MDN1: variants seen among roughly 807,000 people sequenced by gnomAD.
MDN1 encodes midasin.
A neutral mutation model predicts 669.2 loss-of-function variants in MDN1; 266 were observed. That is an observed-to-expected ratio of 0.40 (90% CI 0.36 to 0.44). The LOEUF is 0.44. Ranked by LOEUF, MDN1 falls within the 20% of genes least tolerant of loss-of-function variation. The pLI is 1.00. For synonymous variants in MDN1, 2,385 were observed against 2,457.1 expected (o/e 0.97, Z 0.87); for missense variants, 5,940 against 6,754.0 (o/e 0.88, Z 4.22).
chr6:89,694,503 G>C (rs1390314979), intron 61 of MDN1, among the ~76,000 whole-genome samples: 1 of 152,080 alleles, frequency 6.6e-6, no homozygotes, highest in Non-Finnish European at 1.5e-5. Context: ...CCTGAACTTG[G>C]TTCAAAACTT....
At chr6:89,691,747 A>G (rs1337416260) in intron 63 of MDN1, among the ~76,000 whole-genome samples, 2 of 152,216 alleles carry the variant, frequency 1.3e-5, no homozygotes, top group African/African-American at 4.8e-5. Flanking sequence ...ATCAAATAGA[A>G]TAAACTTTAC....
chr6:89,737,008 T>G (rs1429343791), intron 33 of MDN1, among the ~76,000 whole-genome samples: 1 of 152,196 alleles, frequency 6.6e-6, no homozygotes, highest in Non-Finnish European at 1.5e-5. Flanking sequence ...TGGGGCCCTG[T>G]AAGCTGCACT....
chr6:89,688,083 C>T lies in MDN1; in HGVS notation c.11350G>A (p.Ala3784Thr). Reference protein sequence around the residue: ...LNGLEILLAKAQDWEENASRA... With the variant: ...LNGLEILLAKTQDWEENASRA... ...GAAGAGAGGTATTAGCTCACCTGTG[C>T]CTTTGCCAGAAGGATCTCTAAGCCA... Residue 3784 changes from alanine to threonine, a missense_variant, in exon 67 of 102, where the codon GCA (alanine) becomes ACA (threonine). Transcript: ENST00000369393. 1.2e-6 allele frequency: 2 copies of T among 1,613,272 alleles called. No homozygotes were observed. Among genetic ancestry groups the T allele is most frequent in the Non-Finnish European group, 8.5e-7 (1 of 1,179,210 alleles).
rs115080892 is a variant in MDN1 at position 89,658,874 on chromosome 6, A to C, written c.14757T>G (p.Gly4919=). The C allele has an allele frequency of 5.2e-4, 841 of 1,613,348 alleles. 2 individuals carry two copies. In the African/African-American group the frequency reaches 1.0e-2, roughly 19 times the overall value. The change falls in exon 89 of 102, where the codon GGT becomes GGG. Residue 4919 remains glycine, a synonymous_variant. Coordinates refer to ENST00000369393, the MANE Select transcript of MDN1 (RefSeq NM_014611.3). ...TCTCTCCTCTTTCCTCAGCTTCATG[A>C]CCTGCTTCTTCTGGTTTTTCTTTTA... ...LEIKEKPEEA[G]HEAEERGETE... is the part of the protein sequence containing the mutation.
At chr6:89,769,932 T>C (rs1817996308) in intron 15 of MDN1, among the ~76,000 whole-genome samples, 1 of 152,076 alleles carries the variant, frequency 6.6e-6, no homozygotes, top group Admixed American at 6.6e-5. Context: ...GACATATAGA[T>C]ACAGAATAGA....
At chr6:89,788,397 A>C (rs1819080454) in intron 7 of MDN1, among the ~76,000 whole-genome samples, 1 of 152,204 alleles carries the variant, frequency 6.6e-6, no homozygotes, top group Non-Finnish European at 1.5e-5. Context: ...CTAAACCTTA[A>C]AGAAGAATGA....
chr6:89,657,029 G>T (rs1354478584), intron 90 of MDN1, among the ~76,000 whole-genome samples: 1 of 152,208 alleles, frequency 6.6e-6, no homozygotes. Flanking sequence ...AGGGGCCTTT[G>T]TAAGGCTGCT....
Position 89,819,565 on chromosome 6 carries a change from A to C in MDN1, c.43T>G (p.Leu15Val), listed in dbSNP as rs1426110155. ...LLEVAAAPLR[L>V]IAAKNEKSRS... ...CTCTTCTCGTTCTTGGCTGCGATTAACCGCAGCGGCGCGGCTGCCACCTCC... is the reference window on the plus strand; with the variant it reads ...CTCTTCTCGTTCTTGGCTGCGATTACCCGCAGCGGCGCGGCTGCCACCTCC... Residue 15 changes from leucine (L) to valine (V), a missense_variant, in exon 1 of 102, where the codon TTA (leucine) becomes GTA (valine). By Grantham distance (32) the Leu-to-Val change is conservative. Coordinates refer to ENST00000369393, the MANE Select transcript of MDN1 (RefSeq NM_014611.3). 1.9e-6 allele frequency: 3 copies of C among 1,603,714 alleles called. No homozygotes were observed. The highest frequency in any genetic ancestry group is 1.7e-6 in the Non-Finnish European group (2 of 1,179,914).
chr6:89,781,027 T>C (rs1424944496), intron 10 of MDN1, among the ~76,000 whole-genome samples: 1 of 151,862 alleles, frequency 6.6e-6, no homozygotes, highest in Non-Finnish European at 1.5e-5. Flanking sequence ...ACAGAAGTCA[T>C]AGATAGCGAA....
chr6:89,703,989 G>A lies in MDN1; in HGVS notation c.8149-1928C>T, dbSNP rs573504999. Among the ~76,000 whole-genome samples, 27 of 148,308 alleles carry A rather than the reference G, an allele frequency of 1.8e-4. No homozygotes were observed. In the South Asian group the frequency reaches 5.7e-3, roughly 32 times the overall value. ...GATGGCACCACTGCACTCCAGTCTG[G>A]GCAACAAGAGAGAAACTCCGTCTCA... is the stretch of plus-strand genomic sequence containing the variant. On this transcript the variant is annotated intron_variant, in intron 53 of 101. Transcript: ENST00000369393.
At chr6:89,803,268 C>G (rs1438625240) in intron 2 of MDN1, 60 bp downstream of exon 2, 13 of 1,421,190 alleles carry the variant, frequency 9.1e-6, no homozygotes, top group Non-Finnish European at 1.3e-5. Flanking sequence ...CCTTACATCC[C>G]AGGAGACAGC....
chr6:89,720,388 A>T (rs901970666), intron 40 of MDN1, among the ~76,000 whole-genome samples: 3 of 151,056 alleles, frequency 2.0e-5, no homozygotes, highest in Non-Finnish European at 4.4e-5. Flanking sequence ...CGACAGAGCA[A>T]GACTCCATCT....
At chr6:89,781,095 T>C (rs1818649100) in intron 10 of MDN1, 1 of 357,148 alleles carries the variant, frequency 2.8e-6, no homozygotes, top group Non-Finnish European at 5.3e-6. Context: ...AGTGAAAGAA[T>C]TATGTTAGGA....
At chr6:89,644,675 T>G (rs1410195370) in intron 101 of MDN1, among the ~76,000 whole-genome samples, 2 of 152,238 alleles carry the variant, frequency 1.3e-5, no homozygotes. Context: ...CAGTACCCAT[T>G]ATCAAGGCTG....
intron 6 of MDN1, 32 bp downstream of exon 6, chr6:89,790,127 C>T: frequency 1.2e-6 from 2 of 1,613,130 alleles, no homozygotes; most frequent in Non-Finnish European, 1.7e-6. Context: ...ACAAGCATGA[C>T]AAGCCACCAA....
At chr6:89,710,485 T>C (rs936314251) in intron 50 of MDN1, among the ~76,000 whole-genome samples, 196 bp downstream of exon 50, 3 of 150,988 alleles carry the variant, frequency 2.0e-5, no homozygotes, top group South Asian at 4.2e-4. Flanking sequence ...CCTGGGCAAC[T>C]TAGTAAGACC....
At chr6:89,741,122 C>G (rs748969131) in intron 31 of MDN1, among the ~76,000 whole-genome samples, 1 of 152,120 alleles carries the variant, frequency 6.6e-6, no homozygotes, top group Non-Finnish European at 1.5e-5. Flanking sequence ...ATCCCAGCTA[C>G]TCGGGAGGCT....
chr6:89,787,160 A>G (rs556822552), intron 8 of MDN1, among the ~76,000 whole-genome samples: 2 of 152,244 alleles, frequency 1.3e-5, no homozygotes, highest in East Asian at 1.9e-4. Context: ...GCAGAAGTCA[A>G]TGTTAACTGA....
At chr6:89,651,392 C>T (rs1027348950) in intron 95 of MDN1, among the ~76,000 whole-genome samples, 2 of 149,464 alleles carry the variant, frequency 1.3e-5, no homozygotes, top group Admixed American at 6.7e-5. Flanking sequence ...GAGGCCAAGG[C>T]GGGTGGATCA....
Sources: gnomAD v4.1 joint callset for allele counts (sites outside exome capture counted in the v4.1 genomes callset) on GRCh38, gnomAD v4.1.1 for gene constraint, MANE v1.5 for transcripts, NCBI Gene and HGNC (gene_info 2026-07-23, HGNC 2026-07-21) for gene names.